Variants in UBXN8 observed in about 807,000 individuals in gnomAD.
The protein encoded by UBXN8 is UBX domain-containing protein 8.
Under a neutral mutation model 32.1 loss-of-function variants are expected in UBXN8, and 27 were observed. The ratio of observed to expected loss-of-function variants is 0.84; its 90% CI spans 0.62 to 1.16. The LOEUF is 1.16. Ranked by LOEUF, UBXN8 falls within the 50% of genes most tolerant of loss-of-function variation. The probability of loss-of-function intolerance (pLI) is 0.00; values close to 1 mark genes in which losing one functional copy is unlikely to be tolerated. For missense variants in UBXN8, 306 were observed against 311.4 expected (o/e 0.98, Z 0.13); for synonymous variants, 109 against 111.8 (o/e 0.98, Z 0.16).
At chr8:30,731,264 G>C (rs1044058311), upstream of UBXN8, among the ~76,000 whole-genome samples, 1 of 152,230 alleles carries the variant, frequency 6.6e-6, no homozygotes, top group Non-Finnish European at 1.5e-5. Flanking sequence ...CAGGATGACA[G>C]TTGGGGGTAA....
At chr8:30,747,891 T>A (rs1805406726) in intron 1 of UBXN8, among the ~76,000 whole-genome samples, 1 of 120,104 alleles carries the variant, frequency 8.3e-6, no homozygotes, top group East Asian at 2.1e-4. Context: ...ATATATATTT[T>A]TTCTTTTTTT....
chr8:30,766,059 T>C (rs1424314130), intron 7 of UBXN8, among the ~76,000 whole-genome samples, 168 bp from the exon 8 acceptor site: 3 of 151,740 alleles, frequency 2.0e-5, no homozygotes, highest in Non-Finnish European at 1.5e-5. Context: ...TGGCAAGCTA[T>C]TTTCCTTTAA....
chr8:30,760,248 A>G (rs1349810859), intron 5 of UBXN8, among the ~76,000 whole-genome samples: 1 of 147,330 alleles, frequency 6.8e-6, no homozygotes, highest in African/African-American at 2.5e-5. Context: ...TTTTGTAGAG[A>G]CGGGGTTTCA....
upstream of UBXN8, among the ~76,000 whole-genome samples, chr8:30,741,391 C>A (rs1805194274): frequency 6.7e-6 from 1 of 149,422 alleles, no homozygotes; most frequent in Non-Finnish European, 1.5e-5. Flanking sequence ...GTCTCATAAA[C>A]AAATAAAAAT....
chr8:30,735,249 A>G (rs1219928638), intron 1 of UBXN8, among the ~76,000 whole-genome samples: 1 of 152,264 alleles, frequency 6.6e-6, no homozygotes, highest in African/African-American at 2.4e-5. Context: ...AAAATTAAAC[A>G]GCTGGTGAAT....
chr8:30,748,012 G>T (rs1249174164), intron 1 of UBXN8, among the ~76,000 whole-genome samples: 3 of 137,194 alleles, frequency 2.2e-5, no homozygotes, highest in African/African-American at 8.4e-5. Flanking sequence ...CCAGCAGCAG[G>T]GCTGGTTATG....
chr8:30,764,518 C>T (rs1048158276), intron 7 of UBXN8, among the ~76,000 whole-genome samples: 4 of 152,020 alleles, frequency 2.6e-5, no homozygotes, highest in Non-Finnish European at 5.9e-5. Context: ...GAACTTAAAT[C>T]AAGGAAGAGA....
intron 6 of UBXN8, 66 bp from the exon 7 acceptor site, chr8:30,763,207 T>G: frequency 1.3e-6 from 2 of 1,510,976 alleles, no homozygotes; most frequent in Non-Finnish European, 9.2e-7. Context: ...CTTAGCTGTT[T>G]TATGGAATGA....
chr8:30,738,423 G>T (rs1376841094), intron 1 of UBXN8, among the ~76,000 whole-genome samples: 1 of 152,066 alleles, frequency 6.6e-6, no homozygotes, highest in Non-Finnish European at 1.5e-5. Flanking sequence ...CACTCGGGAG[G>T]CCGAGGCGGG....
chr8:30,743,868 AG>A (rs755574865), upstream of UBXN8, among the ~76,000 whole-genome samples: 1 of 152,292 alleles, frequency 6.6e-6, no homozygotes, highest in Non-Finnish European at 1.5e-5. Flanking sequence ...CCCTCTGGAA[AG>A]CGCTTTCTCA....
chr8:30,755,739 CAG>C (rs987228778), intron 4 of UBXN8, among the ~76,000 whole-genome samples: 9 of 110,216 alleles, frequency 8.2e-5, no homozygotes, highest in African/African-American at 2.7e-4. Flanking sequence ...GGCTGGGAGA[CAG>C]AGCAAGACCC....
intron 7 of UBXN8, among the ~76,000 whole-genome samples, chr8:30,763,779 T>C (rs1805926995): frequency 6.6e-6 from 1 of 151,962 alleles, no homozygotes; most frequent in Non-Finnish European, 1.5e-5. Context: ...TCACTTGAGG[T>C]CAGGAGTTCG....
At chr8:30,741,985 A>C (rs938811898), upstream of UBXN8, among the ~76,000 whole-genome samples, 2 of 152,174 alleles carry the variant, frequency 1.3e-5, no homozygotes, top group Non-Finnish European at 2.9e-5. Flanking sequence ...ATTAGGTAAT[A>C]TGGAAGACCA....
upstream of UBXN8, among the ~76,000 whole-genome samples, chr8:30,729,431 GT>G (rs767518665): frequency 6.6e-6 from 1 of 152,176 alleles, no homozygotes; most frequent in Non-Finnish European, 1.5e-5. Context: ...TGGCACTTTG[GT>G]TTTTGTTTTT....
chr8:30,751,444 C>A lies in UBXN8; in HGVS notation c.137C>A (p.Ala46Asp). Residue 46 changes from alanine (A) to aspartate (D), a missense_variant, in exon 2 of 8, where the codon GCT (alanine) becomes GAT (aspartate). Physicochemically the swap from Ala to Asp is moderately radical, Grantham distance 126. Coordinates refer to ENST00000265616, the MANE Select transcript of UBXN8 (RefSeq NM_005671.4). ...TGTGGCCGGATTTTGCTACTGCTTG[C>A]TCTTCTTACTTTAACTATTTCTGTG... ...LLCGRILLLL[A>D]LLTLTISVTT... 1 of 1,607,282 alleles carries A rather than the reference C, an allele frequency of 6.2e-7. No homozygotes were observed. Among genetic ancestry groups the A allele is most frequent in the South Asian group, 1.1e-5 (1 of 90,170 alleles).
upstream of UBXN8, among the ~76,000 whole-genome samples, chr8:30,731,408 C>T (rs531135697): frequency 4.6e-5 from 7 of 152,276 alleles, no homozygotes; most frequent in African/African-American, 1.2e-4. Flanking sequence ...CTGCTTGCCC[C>T]GGACTTGTAC....
chr8:30,762,964 G>A (rs1312962078), intron 6 of UBXN8, among the ~76,000 whole-genome samples: 1 of 152,016 alleles, frequency 6.6e-6, no homozygotes, highest in Non-Finnish European at 1.5e-5. Context: ...AGATTCCCTG[G>A]GCTCAGGCTA....
intron 1 of UBXN8, among the ~76,000 whole-genome samples, chr8:30,750,980 T>C (rs1475223386): frequency 6.6e-6 from 1 of 152,142 alleles, no homozygotes; most frequent in Non-Finnish European, 1.5e-5. Flanking sequence ...ATATGAGTCA[T>C]CTATAGATGA....
chr8:30,754,671 A>G lies in UBXN8; in HGVS notation c.289A>G (p.Arg97Gly), dbSNP rs751916310. 4 of 1,548,074 alleles carry G rather than the reference A, an allele frequency of 2.6e-6. No individual in the cohort carries two copies. In the Admixed American group the frequency reaches 7.2e-5, roughly 28 times the overall value. Residue 97 changes from arginine to glycine, a missense_variant, in exon 4 of 8, where the codon AGA (arginine) becomes GGA (glycine). Physicochemically the swap from Arg to Gly is moderately radical, Grantham distance 125. Coordinates refer to ENST00000265616, the MANE Select transcript of UBXN8 (RefSeq NM_005671.4). The part of the protein sequence containing the change: ...QQEAQGEKAS[R>G]YIENVLKPHQ... ...AATTTGTTGTTTTCAACAGGCCAGC[A>G]GATACATAGAGAATGTTTTAAAACC...
Sources: gnomAD v4.1 joint callset for allele counts (sites outside exome capture counted in the v4.1 genomes callset) on GRCh38, gnomAD v4.1.1 for gene constraint, MANE v1.5 for transcripts, NCBI Gene and HGNC (gene_info 2026-07-23, HGNC 2026-07-21) for gene names.